The following DCLK2 variants were observed in gnomAD, a reference collection of about 807,000 sequenced individuals.
DCLK2 encodes serine/threonine-protein kinase DCLK2.
Under a neutral mutation model 78.4 loss-of-function variants are expected in DCLK2, and 31 were observed. The ratio of observed to expected loss-of-function variants is 0.40; its 90% confidence interval spans 0.30 to 0.53. The LOEUF (loss-of-function observed/expected upper bound fraction) is 0.53. Among genes scored for constraint, DCLK2 ranks in the 20% least tolerant of loss-of-function variants. DCLK2 has a pLI of 0.61. For missense variants in DCLK2, 872 were observed against 973.7 expected (o/e 0.90, Z 1.39); for synonymous variants, 407 against 374.9 (o/e 1.09, Z -0.99).
intron 2 of DCLK2, among the ~76,000 whole-genome samples, chr4:150,189,447 A>G (rs1411301603): frequency 6.6e-6 from 1 of 152,228 alleles, no homozygotes; most frequent in African/African-American, 2.4e-5. Context: ...CATGCTGTCA[A>G]CTGGAAAGCA....
intron 2 of DCLK2, among the ~76,000 whole-genome samples, chr4:150,183,526 T>G (rs1462098721): frequency 2.0e-5 from 3 of 152,178 alleles, no homozygotes; most frequent in Non-Finnish European, 4.4e-5. Context: ...ATATCTTTTA[T>G]AAGGAGCTAC....
chr4:150,237,866 A>G (rs1326579716), intron 10 of DCLK2, among the ~76,000 whole-genome samples: 1 of 152,252 alleles, frequency 6.6e-6, no homozygotes, highest in Non-Finnish European at 1.5e-5. Context: ...TACAATGAGT[A>G]TAGACTAGGT....
At chr4:150,142,820 T>A (rs930402884) in intron 2 of DCLK2, among the ~76,000 whole-genome samples, 3 of 151,696 alleles carry the variant, frequency 2.0e-5, no homozygotes, top group East Asian at 1.9e-4. Context: ...TTTTTTTTTT[T>A]AATTTTAGAC....
chr4:150,175,009 A>ATATAT lies in DCLK2; in HGVS notation c.757-18129_757-18128insTATAT, dbSNP rs1248338560. ...TGAGACTCCGTCGCAAAAAAAAAAA[A>ATATAT]AAATATATATATATATATATATATT... On this transcript the variant is annotated intron_variant, in intron 2 of 15. Coordinates refer to ENST00000296550, the MANE Select transcript of DCLK2 (RefSeq NM_001040260.4). Among the ~76,000 whole-genome samples, 14 of 14,768 alleles carry ATATAT rather than the reference A, an allele frequency of 9.5e-4. 1 individual carries two copies. The highest frequency in any genetic ancestry group is 2.6e-3 in the African/African-American group (14 of 5,482). The allele number at this position is 14,768 out of a possible 152,430, so 9.7% of individuals were successfully genotyped here.
chr4:150,092,082 T>C (rs1205039126), intron 1 of DCLK2, among the ~76,000 whole-genome samples: 4 of 152,108 alleles, frequency 2.6e-5, no homozygotes, highest in Non-Finnish European at 4.4e-5. Context: ...CTGTGGCTTA[T>C]TTCATTTAAC....
intron 12 of DCLK2, among the ~76,000 whole-genome samples, chr4:150,241,523 T>C (rs1742924383): frequency 6.6e-6 from 1 of 152,254 alleles, no homozygotes; most frequent in Admixed American, 6.5e-5. Flanking sequence ...TTGTTCATTT[T>C]GTAACTGTCT....
intron 2 of DCLK2, among the ~76,000 whole-genome samples, chr4:150,177,692 A>C (rs1417635580): frequency 2.0e-5 from 3 of 152,190 alleles, no homozygotes; most frequent in Non-Finnish European, 4.4e-5. Context: ...AAAACTAAGA[A>C]CTGCTTAGGT....
At chr4:150,237,289 A>G (rs949442862) in intron 10 of DCLK2, among the ~76,000 whole-genome samples, 7 of 152,260 alleles carry the variant, frequency 4.6e-5, no homozygotes, top group African/African-American at 7.2e-5. Flanking sequence ...ATGGGTGGAA[A>G]GTTTTCCTAA....
At chr4:150,090,758 G>T (rs562982291) in intron 1 of DCLK2, among the ~76,000 whole-genome samples, 4,166 of 152,156 alleles carry the variant, frequency 0.027, 152 homozygotes, top group African/African-American at 0.092. Context: ...AGCAGATTTT[G>T]TACCCCCTTC....
chr4:150,184,795 G>T (rs1737796668), intron 2 of DCLK2, among the ~76,000 whole-genome samples: 1 of 151,896 alleles, frequency 6.6e-6, no homozygotes, highest in South Asian at 2.1e-4. Context: ...TAGAGACGGG[G>T]TTTCACCATA....
chr4:150,143,595 G>A (rs539775965), intron 2 of DCLK2, among the ~76,000 whole-genome samples: 6 of 152,252 alleles, frequency 3.9e-5, no homozygotes, highest in African/African-American at 1.2e-4. Flanking sequence ...TCGAATAGTA[G>A]TATAGTTCTG....
In DCLK2 at chr4:150,256,196, C is replaced by T. The variant is rs756562043; in HGVS notation, c.2250C>T (p.Pro750=). The T allele has an allele frequency of 2.3e-5, 36 of 1,548,520 alleles. No homozygotes were observed. Among genetic ancestry groups the T allele is most frequent in the Non-Finnish European group, 2.9e-5 (33 of 1,147,628 alleles). Residue 750 remains proline, a synonymous_variant, in exon 16 of 16, where the codon CCC becomes CCT. Transcript: ENST00000296550. ...PPESPTPHPP[P]AAPGGERAGT... ...AATCTCCCACCCCCCACCCTCCTCC[C>T]GCTGCCCCGGGTGGTGAGCGGGCAG...
intron 1 of DCLK2, 60 bp downstream of exon 1, chr4:150,079,508 T>G: frequency 1.4e-6 from 2 of 1,420,184 alleles, no homozygotes; most frequent in Non-Finnish European, 1.9e-6. Flanking sequence ...GCAGTGGGCG[T>G]GAGCCGGCGC....
chr4:150,086,796 G>A (rs534074439), intron 1 of DCLK2, among the ~76,000 whole-genome samples: 2 of 152,190 alleles, frequency 1.3e-5, no homozygotes, highest in South Asian at 4.1e-4. Flanking sequence ...GTGAACCACC[G>A]TGCCCGGCCC....
chr4:150,248,686 CTCG>C (rs1202435800), intron 14 of DCLK2, among the ~76,000 whole-genome samples: 15 of 152,248 alleles, frequency 9.9e-5, no homozygotes, highest in African/African-American at 3.4e-4. Flanking sequence ...GCTTTTAGCT[CTCG>C]TCTTCTGCGG....
Position 150,249,902 on chromosome 4 carries a change from G to A in DCLK2, c.2073+218G>A, listed in dbSNP as rs1580799089. Among the ~76,000 whole-genome samples the A allele has an allele frequency of 2.0e-5, 3 of 152,286 alleles. No homozygotes were observed. In the South Asian group the frequency reaches 6.2e-4, roughly 32 times the overall value. On this transcript the variant is annotated intron_variant, in intron 15 of 15. Coordinates refer to ENST00000296550, the MANE Select transcript of DCLK2 (RefSeq NM_001040260.4). ...GTAGGGACCAGCAGGCCTGGTGTGAGGGGTCCAGGCGTCAAGGAGCTCCTG... is the reference window on the plus strand; with the variant it reads ...GTAGGGACCAGCAGGCCTGGTGTGAAGGGTCCAGGCGTCAAGGAGCTCCTG...
At chr4:150,137,898 C>T (rs1047743066) in intron 2 of DCLK2, among the ~76,000 whole-genome samples, 1 of 152,190 alleles carries the variant, frequency 6.6e-6, no homozygotes, top group Admixed American at 6.5e-5. Context: ...ATGAAGTTAT[C>T]AGATCCTAAA....
Position 150,256,357 on chromosome 4 carries a change from G to C in DCLK2, c.*110G>C, listed in dbSNP as rs1391219970. ...CTCCCTCTCTTCACCGCCTGCGCCT[G>C]AGTTCGCGGGTCCTCCGCAGGCCGC... On this transcript the variant is annotated 3_prime_UTR_variant, in exon 16 of 16. Transcript: ENST00000296550. 6.5e-6 allele frequency: 9 copies of C among 1,391,236 alleles called. No homozygotes were observed. Among genetic ancestry groups the C allele is most frequent in the Non-Finnish European group, 7.5e-6 (8 of 1,061,554 alleles). The allele number at this position is 1,391,236 out of a possible 1,614,324, so 86.2% of individuals were successfully genotyped here. A position where few individuals can be genotyped will look rare whatever the true frequency, so the allele number is the denominator to read the frequency against.
chr4:150,136,603 ACT>A (rs1733700007), intron 2 of DCLK2, among the ~76,000 whole-genome samples: 1 of 152,172 alleles, frequency 6.6e-6, no homozygotes, highest in Non-Finnish European at 1.5e-5. Context: ...TCTCATCCTA[ACT>A]CTGAGGAAAT....
Sources: gnomAD v4.1 joint callset for allele counts (sites outside exome capture counted in the v4.1 genomes callset) on GRCh38, gnomAD v4.1.1 for gene constraint, MANE v1.5 for transcripts, NCBI Gene and HGNC (gene_info 2026-07-23, HGNC 2026-07-21) for gene names.